Variants in TRIM33 observed in about 807,000 individuals in gnomAD.
The protein encoded by TRIM33 is E3 ubiquitin-protein ligase TRIM33.
Under a neutral mutation model 125.4 loss-of-function variants are expected in TRIM33, and 20 were observed. That is an observed-to-expected ratio of 0.16 (90% CI 0.11 to 0.23). The LOEUF is 0.23. Ranked by LOEUF, TRIM33 falls within the 10% of genes least tolerant of loss-of-function variation. TRIM33 has a pLI of 1.00. For synonymous variants in TRIM33, 564 were observed against 513.9 expected, an observed-to-expected ratio of 1.10 and a Z score of -1.32; for missense variants, 920 against 1,411.4, an observed-to-expected ratio of 0.65 and a Z score of 5.58.
chr1:114,451,374 T>TAAAA lies in TRIM33; in HGVS notation c.923+11726_923+11729dup, dbSNP rs11419050. On this transcript the variant is annotated intron_variant, in intron 4 of 19. Transcript: ENST00000358465. ...AAATCTTCCATTCATTACCCTGCTTTAAAAAAAAAAAAAAAAAAGGACTGA... is the reference window on the plus strand; with the variant it reads ...AAATCTTCCATTCATTACCCTGCTTTAAAAAAAAAAAAAAAAAAAAAAGGACTGA... Among the ~76,000 whole-genome samples, 10 of 135,692 alleles carry TAAAA rather than the reference T, an allele frequency of 7.4e-5. No individual in the cohort carries two copies. In the East Asian group the frequency reaches 1.1e-3, roughly 14 times the overall value. 89.0% of individuals were successfully genotyped at this position (135,692 alleles called of 152,430 possible). A position where few individuals can be genotyped will look rare whatever the true frequency, so the allele number is the denominator to read the frequency against.
chr1:114,401,130 G>A (rs1235355355), intron 17 of TRIM33, among the ~76,000 whole-genome samples: 2 of 150,646 alleles, frequency 1.3e-5, no homozygotes. Context: ...TCCGCCTCCC[G>A]GGTTCATGCC....
At chr1:114,403,381 CT>C (rs1025706624) in intron 15 of TRIM33, among the ~76,000 whole-genome samples, 2 of 151,842 alleles carry the variant, frequency 1.3e-5, no homozygotes, top group Admixed American at 6.6e-5. Context: ...TATATACCTC[CT>C]TTTTTTTGGA....
intron 13 of TRIM33, among the ~76,000 whole-genome samples, 163 bp downstream of exon 13, chr1:114,408,514 A>G (rs1228129703): frequency 1.3e-5 from 2 of 152,226 alleles, no homozygotes; most frequent in East Asian, 3.8e-4. Context: ...CAGACCAGAA[A>G]GGAATTGGCA....
intron 4 of TRIM33, among the ~76,000 whole-genome samples, chr1:114,448,387 T>C (rs1381351201): frequency 6.6e-6 from 1 of 152,148 alleles, no homozygotes; most frequent in African/African-American, 2.4e-5. Context: ...GATGAAGTAT[T>C]TGACATTTAA....
At chr1:114,501,620 A>G (rs1652725557) in intron 1 of TRIM33, among the ~76,000 whole-genome samples, 1 of 152,216 alleles carries the variant, frequency 6.6e-6, no homozygotes, top group East Asian at 1.9e-4. Context: ...AACAGGAGAA[A>G]AGGAACAAGG....
At chr1:114,409,380 T>G (rs1652440717) in intron 12 of TRIM33, among the ~76,000 whole-genome samples, 2 of 152,188 alleles carry the variant, frequency 1.3e-5, no homozygotes, top group South Asian at 4.1e-4. Flanking sequence ...TTTAATAGTT[T>G]TCAGCAAAAT....
intron 4 of TRIM33, among the ~76,000 whole-genome samples, chr1:114,459,384 C>T (rs1185416487): frequency 6.6e-6 from 1 of 152,208 alleles, no homozygotes; most frequent in Non-Finnish European, 1.5e-5. Context: ...GAGGATAAGG[C>T]ATCCACCACA....
At chr1:114,432,289 T>A (rs961212700) in intron 5 of TRIM33, among the ~76,000 whole-genome samples, 2 of 151,990 alleles carry the variant, frequency 1.3e-5, no homozygotes, top group Non-Finnish European at 2.9e-5. Context: ...GGGACTGCCA[T>A]ATGAATCAAC....
intron 1 of TRIM33, among the ~76,000 whole-genome samples, chr1:114,478,161 T>C (rs1651088364): frequency 6.6e-6 from 1 of 152,206 alleles, no homozygotes; most frequent in Non-Finnish European, 1.5e-5. Context: ...GTAAAAGCAA[T>C]GAAAGGCACT....
intron 1 of TRIM33, chr1:114,468,677 T>C (rs1014926073): frequency 4.5e-6 from 2 of 443,520 alleles, no homozygotes; most frequent in South Asian, 1.7e-5. Flanking sequence ...ATATTATGCT[T>C]GGCAATAAAA....
At chr1:114,506,006 C>T (rs568643794) in intron 1 of TRIM33, among the ~76,000 whole-genome samples, 9 of 152,292 alleles carry the variant, frequency 5.9e-5, no homozygotes, top group Middle Eastern at 3.4e-3. Flanking sequence ...TATAACCTAA[C>T]GGGATAGGAA....
intron 13 of TRIM33, 22 bp downstream of exon 13, chr1:114,408,655 A>C: frequency 1.3e-6 from 2 of 1,531,106 alleles, no homozygotes; most frequent in Non-Finnish European, 1.8e-6. Flanking sequence ...AAAAGGAAAA[A>C]AATAATTATC....
chr1:114,412,329 G>A (rs1035178570), intron 11 of TRIM33, among the ~76,000 whole-genome samples: 2 of 152,162 alleles, frequency 1.3e-5, no homozygotes, highest in African/African-American at 4.8e-5. Context: ...CAGTCATTGT[G>A]CCTCAATGCA....
intron 4 of TRIM33, among the ~76,000 whole-genome samples, chr1:114,459,245 G>A (rs1649802826): frequency 6.6e-6 from 1 of 152,128 alleles, no homozygotes. Context: ...CCTAACCTAG[G>A]AAGGGAAGGG....
At chr1:114,413,224 A>G (rs1401389643) in intron 11 of TRIM33, among the ~76,000 whole-genome samples, 1 of 152,206 alleles carries the variant, frequency 6.6e-6, no homozygotes, top group Non-Finnish European at 1.5e-5. Context: ...GGAATACCAT[A>G]TGGATTAAAA....
chr1:114,430,738 T>A (rs80326582), intron 6 of TRIM33, 60 bp downstream of exon 6: 30,756 of 918,162 alleles, frequency 0.033, 683 homozygotes, highest in Non-Finnish European at 0.043. Context: ...TCAATAAACA[T>A]TAAAAACAGC....
chr1:114,454,155 A>T (rs1257323680), intron 4 of TRIM33, among the ~76,000 whole-genome samples: 1 of 152,206 alleles, frequency 6.6e-6, no homozygotes, highest in Non-Finnish European at 1.5e-5. Flanking sequence ...AGTTAGCATC[A>T]GAAGTGGGAT....
At chr1:114,506,995 C>T (rs905252793) in intron 1 of TRIM33, among the ~76,000 whole-genome samples, 6 of 152,206 alleles carry the variant, frequency 3.9e-5, no homozygotes, top group Non-Finnish European at 8.8e-5. Context: ...TCTAGTGATT[C>T]TTATTTACAC....
At chr1:114,486,512 A>C (rs866334936) in intron 1 of TRIM33, among the ~76,000 whole-genome samples, 26 of 140,164 alleles carry the variant, frequency 1.9e-4, no homozygotes, top group Admixed American at 5.3e-4. Flanking sequence ...ACACCACTGC[A>C]CTCCAGCCTG....
Sources: gnomAD v4.1 joint callset for allele counts (sites outside exome capture counted in the v4.1 genomes callset) on GRCh38, gnomAD v4.1.1 for gene constraint, MANE v1.5 for transcripts, NCBI Gene and HGNC (gene_info 2026-07-23, HGNC 2026-07-21) for gene names.